The following GRIP2 variants were observed in gnomAD, a reference collection of about 807,000 sequenced individuals.
GRIP2 encodes the protein glutamate receptor-interacting protein 2.
In GRIP2, 58 loss-of-function variants were observed where a neutral mutation model predicts 108.3. The ratio of observed to expected loss-of-function variants is 0.54; its 90% CI spans 0.43 to 0.67. The LOEUF is 0.67. Among genes scored for constraint, GRIP2 ranks in the 30% least tolerant of loss-of-function variants. The pLI is 0.00. For missense variants in GRIP2, 1,278 were observed against 1,430.6 expected (o/e 0.89, Z 1.72); for synonymous variants, 586 against 598.2 (o/e 0.98, Z 0.30).
In GRIP2 at chr3:14,489,316, A is replaced by G. The variant is rs1227021486; in HGVS notation, c.*4349T>C. 6.6e-6 allele frequency: 1 copy of G among 152,612 alleles called. No homozygotes were observed. Among genetic ancestry groups the G allele is most frequent in the Non-Finnish European group, 1.5e-5 (1 of 68,028 alleles). 9.5% of individuals were successfully genotyped at this position (152,612 alleles called of 1,614,324 possible). On this transcript the variant is annotated 3_prime_UTR_variant, in exon 24 of 24. Transcript: ENST00000621039. ...TAGAGGAGTTTGTAATCACCTTATA[A>G]CATGAAAATAAACATTTCCTTTTTA...
the GRIP2 span, among the ~76,000 whole-genome samples, chr3:14,592,803 C>A: frequency 6.6e-6 from 1 of 152,162 alleles, no homozygotes; most frequent in South Asian, 2.1e-4. Flanking sequence ...GGCCCCAAAA[C>A]CCCGTGATCC....
the GRIP2 span, among the ~76,000 whole-genome samples, chr3:14,564,968 T>C: frequency 6.6e-6 from 1 of 152,102 alleles, no homozygotes; most frequent in Non-Finnish European, 1.5e-5. Flanking sequence ...GTGGGTGGTG[T>C]GATTCAATAG....
At chr3:14,599,805 G>A in the GRIP2 span, among the ~76,000 whole-genome samples, 1 of 150,816 alleles carries the variant, frequency 6.6e-6, no homozygotes, top group Non-Finnish European at 1.5e-5. Flanking sequence ...CAATCCCTCA[G>A]ATAACAGAAG....
the GRIP2 span, among the ~76,000 whole-genome samples, chr3:14,581,462 C>T: frequency 6.6e-6 from 1 of 152,212 alleles, no homozygotes; most frequent in Non-Finnish European, 1.5e-5. Flanking sequence ...ACACTGCTTC[C>T]AAGAAGGGCA....
At chr3:14,541,031 G>C (rs2124962337), upstream of GRIP2, among the ~76,000 whole-genome samples, 1 of 152,384 alleles carries the variant, frequency 6.6e-6, no homozygotes, top group East Asian at 1.9e-4. Context: ...GGCAGGGCCA[G>C]TTGGTCACAG....
intron 21 of GRIP2, among the ~76,000 whole-genome samples, chr3:14,502,776 G>A (rs1371433989): frequency 1.3e-5 from 2 of 151,832 alleles, no homozygotes; most frequent in Non-Finnish European, 2.9e-5. Context: ...TAAAGTGGAA[G>A]GAAGAGACTA....
At chr3:14,560,487 T>A (rs960211819), upstream of GRIP2, among the ~76,000 whole-genome samples, 2 of 152,046 alleles carry the variant, frequency 1.3e-5, no homozygotes, top group African/African-American at 4.8e-5. Context: ...AAGTAGCCTA[T>A]CCCAATCCCC....
chr3:14,516,102 G>A lies in GRIP2; in HGVS notation c.1306+962C>T, dbSNP rs148509706. On this transcript the variant is annotated intron_variant, in intron 11 of 23. Coordinates refer to ENST00000621039, the MANE Select transcript of GRIP2 (RefSeq NM_001080423.4). ...GGCAGAGGAGTCGCAAGAGCCTCCA[G>A]TCTCCACATCCCCCACCTACGAACA... Among the ~76,000 whole-genome samples the A allele has an allele frequency of 2.6e-5, 4 of 152,272 alleles. No individual in the cohort carries two copies. The East Asian group carries it at 7.7e-4, about 29-fold the overall frequency.
chr3:14,519,602 CT>C (rs1340329001), intron 9 of GRIP2, among the ~76,000 whole-genome samples: 1 of 152,186 alleles, frequency 6.6e-6, no homozygotes, highest in African/African-American at 2.4e-5. Context: ...CACCCTGCCC[CT>C]GGCCCCAACT....
chr3:14,513,619 T>A, intron 13 of GRIP2, 46 bp downstream of exon 13: 1 of 1,563,354 alleles, frequency 6.4e-7, no homozygotes, highest in Non-Finnish European at 8.7e-7. Context: ...AGAGGAGGGG[T>A]GCAGGGCCCT....
At chr3:14,503,033 T>G (rs1215762868) in intron 21 of GRIP2, among the ~76,000 whole-genome samples, 4 of 152,258 alleles carry the variant, frequency 2.6e-5, no homozygotes, top group Non-Finnish European at 1.5e-5. Context: ...CAGTTTGTTC[T>G]ATTCACTGAG....
At chr3:14,562,923 C>A in the GRIP2 span, among the ~76,000 whole-genome samples, 1 of 151,920 alleles carries the variant, frequency 6.6e-6, no homozygotes. Flanking sequence ...GGAGAAAGTA[C>A]AATGGGGCAG....
chr3:14,504,355 A>C (rs1377492501), intron 20 of GRIP2, among the ~76,000 whole-genome samples: 1 of 134,180 alleles, frequency 7.5e-6, no homozygotes, highest in Admixed American at 8.5e-5. Flanking sequence ...TCTGTCACCC[A>C]AGCTGGAGTG....
At chr3:14,535,599 A>T (rs963913731) in intron 1 of GRIP2, among the ~76,000 whole-genome samples, 1 of 152,198 alleles carries the variant, frequency 6.6e-6, no homozygotes, top group Non-Finnish European at 1.5e-5. Context: ...TTTACAGATG[A>T]GGAAACTGAG....
chr3:14,492,269 C>T lies in GRIP2; in HGVS notation c.*1396G>A, dbSNP rs754247568. The stretch of plus-strand genomic sequence containing the variant: ...TCAAATGGAAGAGCACTTTTCTGGC[C>T]TCCAGGGACCCCAGGTTGGAGACAG... On this transcript the variant is annotated 3_prime_UTR_variant, in exon 24 of 24. Coordinates refer to ENST00000621039, the MANE Select transcript of GRIP2 (RefSeq NM_001080423.4). 6.6e-6 allele frequency: 1 copy of T among 152,276 alleles called. No homozygotes were observed. The highest frequency in any genetic ancestry group is 1.5e-5 in the Non-Finnish European group (1 of 68,104). 9.4% of individuals were successfully genotyped at this position (152,276 alleles called of 1,614,324 possible).
At chr3:14,553,670 A>C (rs1387297687) in intron 1 of GRIP2, among the ~76,000 whole-genome samples, 1 of 152,246 alleles carries the variant, frequency 6.6e-6, no homozygotes, top group Non-Finnish European at 1.5e-5. Context: ...AAAGATGAGC[A>C]ACAGGACAGC....
At position 14,523,638 on chromosome 3, in the gene GRIP2, C is replaced by T. The variant is rs1042874696; in HGVS notation, c.464G>A (p.Gly155Asp). Residue 155 changes from glycine to aspartate, a missense_variant, in exon 5 of 24, where the codon GGC becomes GAC. Gly to Asp is a moderately conservative substitution (Grantham distance 94). Coordinates refer to ENST00000621039, the MANE Select transcript of GRIP2 (RefSeq NM_001080423.4). Reference sequence around the variant, plus strand: ...TCTAAGGACAAAGCCAAAGCTATTGCCCTCCTTGTAGAGGGAGACGTCCAC... The same window carrying T: ...TCTAAGGACAAAGCCAAAGCTATTGTCCTCCTTGTAGAGGGAGACGTCCAC... ...KTVDVSLYKE[G>D]NSFGFVLRGG... 11 of 1,611,916 alleles carry T rather than the reference C, an allele frequency of 6.8e-6. No homozygotes were observed. The highest frequency in any genetic ancestry group is 3.3e-5 in the South Asian group (3 of 90,370).
At chr3:14,596,643 G>A in the GRIP2 span, among the ~76,000 whole-genome samples, 1 of 152,152 alleles carries the variant, frequency 6.6e-6, no homozygotes, top group South Asian at 2.1e-4. Context: ...GGTGATATAT[G>A]AGCACTTAAC....
the GRIP2 span, among the ~76,000 whole-genome samples, chr3:14,586,464 GC>G: frequency 6.6e-6 from 1 of 152,208 alleles, no homozygotes; most frequent in African/African-American, 2.4e-5. Flanking sequence ...GGCAGGAGAG[GC>G]AGCAAATGCC....
Sources: allele counts gnomAD v4.1 joint callset (sites outside exome capture counted in the v4.1 genomes callset), GRCh38; gene constraint gnomAD v4.1.1; transcripts MANE v1.5; gene names NCBI Gene and HGNC (gene_info 2026-07-23, HGNC 2026-07-21).